MAP3K1: variants seen among roughly 807,000 people sequenced by gnomAD.
The protein encoded by MAP3K1 is mitogen-activated protein kinase kinase kinase 1.
A neutral mutation model predicts 144.2 loss-of-function variants in MAP3K1; 36 were observed. That is an observed-to-expected ratio of 0.25 (90% CI 0.19 to 0.33). The LOEUF (loss-of-function observed/expected upper bound fraction) is 0.33, where lower values mean the gene tolerates loss of function less well. Among genes scored for constraint, MAP3K1 ranks in the 10% least tolerant of loss-of-function variants. The pLI is 1.00. For missense variants in MAP3K1, 1,650 were observed against 1,881.9 expected (o/e 0.88, Z 2.28); for synonymous variants, 718 against 688.7 (o/e 1.04, Z -0.67).
Position 56,815,800 on chromosome 5 carries a change from A to G in MAP3K1, c.227A>G (p.Gln76Arg). 2 of 1,423,988 alleles carry G rather than the reference A, an allele frequency of 1.4e-6. No individual in the cohort carries two copies. The highest frequency in any genetic ancestry group is 1.8e-6 in the Non-Finnish European group (2 of 1,086,038). The allele number at this position is 1,423,988 out of a possible 1,614,324, so 88.2% of individuals were successfully genotyped here. A position where few individuals can be genotyped will look rare whatever the true frequency, so the allele number is the denominator to read the frequency against. The part of the protein sequence containing the change: ...RSVELDQLPE[Q>R]PLFLAASPPA... ...GTGGAGCTGGACCAGCTGCCTGAGC[A>G]GCCGCTCTTCCTTGCCGCCTCACCG... Residue 76 changes from glutamine (Q) to arginine (R), a missense_variant, in exon 1 of 20, where the codon CAG becomes CGG. Coordinates refer to ENST00000399503, the MANE Select transcript of MAP3K1 (RefSeq NM_005921.2).
At chr5:56,884,974 A>G (rs1579782871) in intron 16 of MAP3K1, 148 bp downstream of exon 16, 1 of 663,800 alleles carries the variant, frequency 1.5e-6, no homozygotes, top group South Asian at 2.0e-5. Context: ...ATGAACCACA[A>G]ATACTTCGTT....
chr5:56,818,567 A>G (rs955884101), intron 1 of MAP3K1, among the ~76,000 whole-genome samples: 1 of 152,070 alleles, frequency 6.6e-6, no homozygotes, highest in Non-Finnish European at 1.5e-5. Context: ...CCTCTTTTTC[A>G]GGGTGATAGC....
chr5:56,869,930 G>A (rs1195888529), intron 6 of MAP3K1, among the ~76,000 whole-genome samples: 1 of 152,178 alleles, frequency 6.6e-6, no homozygotes, highest in Non-Finnish European at 1.5e-5. Flanking sequence ...AGGTACATCA[G>A]GAGGGACAGA....
At chr5:56,851,461 A>T (rs1373635048) in intron 1 of MAP3K1, among the ~76,000 whole-genome samples, 1 of 152,124 alleles carries the variant, frequency 6.6e-6, no homozygotes, top group Non-Finnish European at 1.5e-5. Flanking sequence ...GGGTGGTATA[A>T]AAGTGGCTGT....
chr5:56,840,399 C>T (rs924895384), intron 1 of MAP3K1, among the ~76,000 whole-genome samples: 3 of 152,170 alleles, frequency 2.0e-5, no homozygotes, highest in South Asian at 2.1e-4. Context: ...CTACCCGCCT[C>T]GGCCTCCTAA....
At chr5:56,824,709 C>CT (rs577742070) in intron 1 of MAP3K1, among the ~76,000 whole-genome samples, 254 of 152,248 alleles carry the variant, frequency 1.7e-3, no homozygotes, top group Middle Eastern at 6.8e-3. Flanking sequence ...TGGTAAACCT[C>CT]TAACTGTTCT....
intron 4 of MAP3K1, 144 bp downstream of exon 4, chr5:56,865,078 T>C: frequency 1.2e-6 from 1 of 839,564 alleles, no homozygotes; most frequent in Non-Finnish European, 1.9e-6. Context: ...TAGGCTAATA[T>C]TTTTCTTTAA....
At chr5:56,842,943 C>A (rs190222382) in intron 1 of MAP3K1, among the ~76,000 whole-genome samples, 1 of 152,132 alleles carries the variant, frequency 6.6e-6, no homozygotes, top group African/African-American at 2.4e-5. Flanking sequence ...TGCCCCTGAT[C>A]GCTGTGCCAT....
chr5:56,815,978 C>A lies in MAP3K1; in HGVS notation c.405C>A (p.Ala135=). 2.4e-6 allele frequency: 3 copies of A among 1,256,408 alleles called. No homozygotes were observed. Among genetic ancestry groups the A allele is most frequent in the Non-Finnish European group, 3.0e-6 (3 of 1,002,044 alleles). The allele number at this position is 1,256,408 out of a possible 1,614,324, so 77.8% of individuals were successfully genotyped here. ...CGGTGGCGGCGCCGGACAGCGGCGC[C>A]TCGAGTCCCGCAGCGGCCGAGCCCG... The part of the protein sequence containing the change: ...TESVAAPDSG[A]SSPAAAEPGE... The change falls in exon 1 of 20, where the codon GCC becomes GCA. Residue 135 remains alanine (A), a synonymous_variant. Transcript: ENST00000399503.
At chr5:56,816,210 T>G (rs911729339) in intron 1 of MAP3K1, among the ~76,000 whole-genome samples, 155 bp downstream of exon 1, 12 of 151,826 alleles carry the variant, frequency 7.9e-5, no homozygotes, top group East Asian at 7.8e-4. Context: ...CCCCGACCCC[T>G]TCGGAGTCGG....
At chr5:56,875,372 A>G (rs1747993551) in intron 10 of MAP3K1, 62 bp downstream of exon 10, 2 of 1,567,746 alleles carry the variant, frequency 1.3e-6, no homozygotes, top group Admixed American at 1.7e-5. Context: ...TGGTTCGTAG[A>G]TAGTGTTTTT....
chr5:56,831,291 T>C (rs1746484886), intron 1 of MAP3K1, among the ~76,000 whole-genome samples: 1 of 151,840 alleles, frequency 6.6e-6, no homozygotes, highest in Non-Finnish European at 1.5e-5. Flanking sequence ...TGATTATATG[T>C]GTCCCCTGTG....
chr5:56,816,456 T>TG (rs1362939414), intron 1 of MAP3K1, among the ~76,000 whole-genome samples: 3 of 148,792 alleles, frequency 2.0e-5, no homozygotes, highest in African/African-American at 7.5e-5. Flanking sequence ...GCAAAGGCAC[T>TG]GGGGGGCGAG....
intron 1 of MAP3K1, among the ~76,000 whole-genome samples, chr5:56,850,689 G>C (rs1747141893): frequency 6.6e-6 from 1 of 152,112 alleles, no homozygotes; most frequent in Middle Eastern, 3.2e-3. Flanking sequence ...CTTACAAACT[G>C]TGTTACCCTG....
At chr5:56,826,703 G>A (rs575120172) in intron 1 of MAP3K1, among the ~76,000 whole-genome samples, 54 of 152,352 alleles carry the variant, frequency 3.5e-4, no homozygotes, top group African/African-American at 1.3e-3. Flanking sequence ...AGATGTGCAG[G>A]TCACTCACAT....
chr5:56,840,685 T>A (rs1746785053), intron 1 of MAP3K1, among the ~76,000 whole-genome samples: 1 of 152,084 alleles, frequency 6.6e-6, no homozygotes, highest in Admixed American at 6.6e-5. Flanking sequence ...ATGAGAAAAG[T>A]CAGCTGTGTG....
chr5:56,878,926 A>G (rs1748119263), intron 10 of MAP3K1, 54 bp from the exon 11 acceptor site: 6 of 1,571,340 alleles, frequency 3.8e-6, no homozygotes, highest in Non-Finnish European at 5.3e-6. Context: ...TTAGGCCATT[A>G]TCTCTGATGC....
Position 56,887,363 on chromosome 5 carries a change from T to C in MAP3K1, c.4115-15T>C, listed in dbSNP as rs1748410003. 6.2e-7 allele frequency: 1 copy of C among 1,613,912 alleles called. No homozygotes were observed. The highest frequency in any genetic ancestry group is 8.5e-7 in the Non-Finnish European group (1 of 1,179,884). ...GTTTTTAACATACAAGGTCATTTGC[T>C]GTGTTTGTTGACAGGTGCCAATTTG... is the stretch of plus-strand genomic sequence containing the variant. On this transcript the variant is annotated splice_polypyrimidine_tract_variant and intron_variant, in intron 17 of 19. Transcript: ENST00000399503.
Position 56,882,489 on chromosome 5 carries a change from T to C in MAP3K1, c.3289T>C (p.Cys1097Arg). Residue 1097 changes from cysteine (C) to arginine (R), a missense_variant, in exon 14 of 20, where the codon TGT becomes CGT. Physicochemically the swap from Cys to Arg is radical, Grantham distance 180 (BLOSUM62 -3). Transcript: ENST00000399503. ...SSSKCDDSFGCSSNSSNAVIP... is the reference protein window; with the variant it reads ...SSSKCDDSFGRSSNSSNAVIP... Reference sequence around the variant, plus strand: ...TTCCAAATGTGATGACAGCTTTGGCTGTAGCAGCAATAGTAGTAATGCTGT... The same window carrying C: ...TTCCAAATGTGATGACAGCTTTGGCCGTAGCAGCAATAGTAGTAATGCTGT... 1.2e-6 allele frequency: 2 copies of C among 1,614,160 alleles called. No individual in the cohort carries two copies. Among genetic ancestry groups the C allele is most frequent in the Non-Finnish European group, 8.5e-7 (1 of 1,180,016 alleles).
Sources: gnomAD v4.1 joint callset for allele counts (sites outside exome capture counted in the v4.1 genomes callset) on GRCh38, gnomAD v4.1.1 for gene constraint, MANE v1.5 for transcripts, NCBI Gene and HGNC (gene_info 2026-07-23, HGNC 2026-07-21) for gene names.